Variants in UNC13C observed in about 807,000 individuals in gnomAD.
The protein encoded by UNC13C is unc-13 homolog C.
A neutral mutation model predicts 245.4 loss-of-function variants in UNC13C; 174 were observed. The ratio of observed to expected loss-of-function variants is 0.71; its 90% CI spans 0.63 to 0.80. UNC13C has a LOEUF of 0.80. Among genes scored for constraint, UNC13C ranks in the 30% least tolerant of loss-of-function variants. The pLI, the probability that UNC13C is intolerant of heterozygous loss-of-function variation, is 0.00. For synonymous variants in UNC13C, 992 were observed against 895.1 expected (o/e 1.11, Z -1.93); for missense variants, 2,829 against 2,602.9 (o/e 1.09, Z -1.89).
At chr15:54,126,101 CA>C (rs1234380729) in intron 2 of UNC13C, among the ~76,000 whole-genome samples, 2 of 151,824 alleles carry the variant, frequency 1.3e-5, no homozygotes, top group Admixed American at 6.6e-5. Context: ...AAACAGATGA[CA>C]AAAAATAAAA....
intron 19 of UNC13C, among the ~76,000 whole-genome samples, chr15:54,447,501 G>T (rs990159254): frequency 3.3e-5 from 5 of 152,160 alleles, no homozygotes; most frequent in Non-Finnish European, 7.4e-5. Context: ...TTAGTCTTGG[G>T]AGGATGTATG....
intron 5 of UNC13C, 111 bp from the exon 6 acceptor site, chr15:54,236,319 G>A (rs969650554): frequency 3.7e-6 from 3 of 808,402 alleles, no homozygotes; most frequent in Non-Finnish European, 4.0e-6. Context: ...TCTTCACTAT[G>A]TGGAAATAAT....
chr15:54,229,632 G>A (rs1213505207), intron 4 of UNC13C, among the ~76,000 whole-genome samples: 1 of 152,022 alleles, frequency 6.6e-6, no homozygotes, highest in African/African-American at 2.4e-5. Flanking sequence ...TATGGGGTGA[G>A]TACACTTAAC....
intron 10 of UNC13C, among the ~76,000 whole-genome samples, chr15:54,276,605 A>G (rs545939779): frequency 6.6e-6 from 1 of 152,224 alleles, no homozygotes; most frequent in Non-Finnish European, 1.5e-5. Context: ...GTGAAATTGT[A>G]GATAGTATAG....
chr15:54,453,964 T>TC (rs1370645263), intron 19 of UNC13C, among the ~76,000 whole-genome samples: 4 of 152,136 alleles, frequency 2.6e-5, no homozygotes, highest in Non-Finnish European at 5.9e-5. Context: ...CCATCTACCT[T>TC]CTAGCTCTGT....
chr15:54,281,653 T>G (rs1001081463), intron 10 of UNC13C, among the ~76,000 whole-genome samples: 1 of 152,192 alleles, frequency 6.6e-6, no homozygotes, highest in African/African-American at 2.4e-5. Flanking sequence ...CCAGAGATAC[T>G]TACAAGTATT....
In UNC13C at chr15:54,627,141, C is replaced by A; in HGVS notation, c.*28C>A. The A allele has an allele frequency of 1.3e-6, 2 of 1,578,544 alleles. No individual in the cohort carries two copies. The highest frequency in any genetic ancestry group is 1.2e-5 in the South Asian group (1 of 85,194). On this transcript the variant is annotated 3_prime_UTR_variant, in exon 33 of 33. Coordinates refer to ENST00000260323, the MANE Select transcript of UNC13C (RefSeq NM_001080534.3). The stretch of plus-strand genomic sequence containing the variant: ...CAAACACTGCAAGCTAAATACATAA[C>A]TATAATTGTTTGACTACTGCATGCA...
At chr15:54,039,608 ATGGTTGTATAT>A (rs1254370682) in intron 2 of UNC13C, among the ~76,000 whole-genome samples, 1 of 150,728 alleles carries the variant, frequency 6.6e-6, no homozygotes, top group Non-Finnish European at 1.5e-5. Flanking sequence ...TTTCCTATTT[ATGGTTGTATAT>A]TTTCCTACTT....
At chr15:54,072,848 A>T (rs2141100798) in intron 2 of UNC13C, among the ~76,000 whole-genome samples, 1 of 151,666 alleles carries the variant, frequency 6.6e-6, no homozygotes, top group African/African-American at 2.4e-5. Flanking sequence ...CAACAATTCA[A>T]ACTGCCTTTC....
intron 4 of UNC13C, among the ~76,000 whole-genome samples, chr15:54,156,041 T>C (rs2032729915): frequency 6.6e-6 from 1 of 152,232 alleles, no homozygotes; most frequent in Middle Eastern, 3.2e-3. Flanking sequence ...TTGAAATACC[T>C]ACATCTTGTG....
At position 54,318,244 on chromosome 15, in the gene UNC13C, A is replaced by G. The variant is rs779267324; in HGVS notation, c.4269-3695A>G. 1.8e-4 allele frequency among the ~76,000 whole-genome samples: 27 copies of G among 151,920 alleles called. 1 individual carries two copies. Among genetic ancestry groups the G allele is most frequent in the Admixed American group, 1.2e-3 (18 of 15,226 alleles). On this transcript the variant is annotated intron_variant, in intron 13 of 32. Transcript: ENST00000260323. ...CGTCTTATTTGTAGATATATCCATT[A>G]ATGGGAATGATGAATCATATGATTG...
At chr15:54,274,735 G>A (rs1201195730) in intron 10 of UNC13C, among the ~76,000 whole-genome samples, 2 of 144,716 alleles carry the variant, frequency 1.4e-5, no homozygotes, top group East Asian at 2.1e-4. Flanking sequence ...GCAGTGGCGC[G>A]ATCTCGGCTC....
At chr15:54,138,961 T>TTTTTTTTTTTC (rs2031876258) in intron 2 of UNC13C, among the ~76,000 whole-genome samples, 1 of 101,848 alleles carries the variant, frequency 9.8e-6, no homozygotes, top group Non-Finnish European at 1.9e-5. Context: ...TAATTTTTTT[T>TTTTTTTTTTTC]TTTTTTTTTT....
the UNC13C span, among the ~76,000 whole-genome samples, chr15:53,932,341 CAAA>C: frequency 7.7e-5 from 3 of 39,168 alleles, no homozygotes; most frequent in Non-Finnish European, 1.5e-4. Flanking sequence ...ACAACAACAA[CAAA>C]CAGTGCTGAC....
chr15:54,007,508 G>A (rs1895193420), intron 1 of UNC13C, among the ~76,000 whole-genome samples: 1 of 152,132 alleles, frequency 6.6e-6, no homozygotes. Flanking sequence ...ACTGATGCAG[G>A]AACAGAAAAC....
chr15:54,435,487 A>T (rs551765672), intron 19 of UNC13C, among the ~76,000 whole-genome samples: 1 of 152,024 alleles, frequency 6.6e-6, no homozygotes, highest in East Asian at 1.9e-4. Flanking sequence ...ACAGAAAACT[A>T]AACACCATAT....
Position 54,013,032 on chromosome 15 carries a change from C to T in UNC13C, c.129C>T (p.Asp43=). 1.2e-6 allele frequency: 2 copies of T among 1,613,842 alleles called. No homozygotes were observed. Among genetic ancestry groups the T allele is most frequent in the Non-Finnish European group, 1.7e-6 (2 of 1,179,838 alleles). ...ATCGTCAGCAGAAAAAGGATCAAGA[C>T]TTCCCCACTGCTGGCCAGACCAAAT... ...KEYRQQKKDQ[D]FPTAGQTKSP... is the part of the protein sequence containing the mutation. The change falls in exon 2 of 33, where the codon GAC becomes GAT. Residue 43 remains aspartate (D), a synonymous_variant. Transcript: ENST00000260323.
chr15:54,622,392 A>G lies in UNC13C; in HGVS notation c.6172A>G (p.Thr2058Ala). ...VHVDITATPG[T>A]GDHKVTVKVI... ...TGTGGACATCACTGCCACCCCAGGA[A>G]CGGGAGATCATAAAGTCACTGTAAA... The change falls in exon 31 of 33, where the codon ACG (threonine) becomes GCG (alanine). Residue 2058 changes from threonine (T) to alanine (A), a missense_variant. Coordinates refer to ENST00000260323, the MANE Select transcript of UNC13C (RefSeq NM_001080534.3). The G allele has an allele frequency of 6.2e-7, 1 of 1,613,182 alleles. No individual in the cohort carries two copies. Among genetic ancestry groups the G allele is most frequent in the Non-Finnish European group, 8.5e-7 (1 of 1,179,380 alleles).
intron 7 of UNC13C, among the ~76,000 whole-genome samples, chr15:54,239,623 C>T (rs970280823): frequency 1.0e-4 from 13 of 125,866 alleles, no homozygotes; most frequent in South Asian, 2.5e-4. Context: ...GCTAATATTT[C>T]CTTTTTTTTT....
Sources: allele counts gnomAD v4.1 joint callset (sites outside exome capture counted in the v4.1 genomes callset), GRCh38; gene constraint gnomAD v4.1.1; transcripts MANE v1.5; gene names NCBI Gene and HGNC (gene_info 2026-07-23, HGNC 2026-07-21).